TYW1: variants seen among roughly 807,000 people sequenced by gnomAD.
The protein encoded by TYW1 is S-adenosyl-L-methionine-dependent tRNA 4-demethylwyosine synthase TYW1.
Under a neutral mutation model 96.2 loss-of-function variants are expected in TYW1, and 46 were observed. That is an observed-to-expected ratio of 0.48 (90% CI 0.38 to 0.61). The LOEUF is 0.61. TYW1 is among the 20% of genes least tolerant of loss of function. TYW1 has a pLI of 0.00. For synonymous variants in TYW1, 274 were observed against 323.0 expected, an observed-to-expected ratio of 0.85 and a Z score of 1.63; for missense variants, 684 against 909.6, an observed-to-expected ratio of 0.75 and a Z score of 3.19.
intron 15 of TYW1, among the ~76,000 whole-genome samples, chr7:67,208,480 A>C (rs1800885775): frequency 6.6e-6 from 1 of 152,132 alleles, no homozygotes. Context: ...TCATGAGGTC[A>C]GAAGTTCGAG....
chr7:67,163,192 C>A (rs35048638), intron 13 of TYW1, among the ~76,000 whole-genome samples: 42,752 of 152,006 alleles, frequency 0.28, 6,526 homozygotes, highest in African/African-American at 0.4. Context: ...TCTAATTTCT[C>A]CCAACCTCCA....
chr7:67,067,084 T>A, intron 9 of TYW1: 1 of 592,856 alleles, frequency 1.7e-6, no homozygotes, highest in Non-Finnish European at 3.0e-6. Flanking sequence ...ATCATAGGTT[T>A]ATTTCACTGG....
intron 13 of TYW1, among the ~76,000 whole-genome samples, chr7:67,124,682 G>T (rs1353498116): frequency 6.6e-6 from 1 of 151,992 alleles, no homozygotes; most frequent in African/African-American, 2.4e-5. Context: ...ATGCCTTTGT[G>T]TCTGATTTCT....
chr7:67,182,074 G>C (rs1377769793), intron 13 of TYW1, among the ~76,000 whole-genome samples: 13 of 151,894 alleles, frequency 8.6e-5, no homozygotes, highest in Admixed American at 8.5e-4. Context: ...GGTGATCCCC[G>C]CACCTCGGCC....
chr7:67,103,717 G>A (rs35746639), intron 12 of TYW1, among the ~76,000 whole-genome samples: 1 of 152,210 alleles, frequency 6.6e-6, no homozygotes, highest in Non-Finnish European at 1.5e-5. Flanking sequence ...AAGGCTGTAG[G>A]TTAACTAATA....
At chr7:67,187,601 G>A (rs797018474) in intron 14 of TYW1, among the ~76,000 whole-genome samples, 2 of 152,152 alleles carry the variant, frequency 1.3e-5, no homozygotes, top group Non-Finnish European at 2.9e-5. Flanking sequence ...CAAAAGGGAT[G>A]TTTATAGAAT....
chr7:67,026,987 CCAGAAGTT>C (rs1794472302), intron 7 of TYW1, among the ~76,000 whole-genome samples: 3 of 151,944 alleles, frequency 2.0e-5, no homozygotes, highest in African/African-American at 7.2e-5. Context: ...TTTCTTGAGG[CCAGAAGTT>C]TGGGACCAGG....
intron 11 of TYW1, among the ~76,000 whole-genome samples, chr7:67,097,058 C>T (rs1174351688): frequency 2.0e-5 from 3 of 151,556 alleles, no homozygotes; most frequent in South Asian, 2.1e-4. Context: ...TTGGGTAATC[C>T]CAGTGTCCAG....
At chr7:67,220,723 A>G (rs1801361212) in intron 15 of TYW1, among the ~76,000 whole-genome samples, 2 of 143,638 alleles carry the variant, frequency 1.4e-5, no homozygotes, top group South Asian at 4.4e-4. Flanking sequence ...CAAGTGCTTT[A>G]TTTTCTTTCT....
chr7:67,027,796 A>G lies in TYW1; in HGVS notation c.984+2774A>G, dbSNP rs142518937. ...ATACAAAAAATTAGCCAGGTGTGGT[A>G]GTGGATGTCTGTAGTCCCAGCTACT... On this transcript the variant is annotated intron_variant, in intron 7 of 15. Transcript: ENST00000359626. Among the ~76,000 whole-genome samples the G allele has an allele frequency of 7.4e-3, 1,122 of 151,932 alleles. 14 individuals are homozygous for G. The highest frequency in any genetic ancestry group is 0.025 in the African/African-American group (1,048 of 41,466).
intron 9 of TYW1, among the ~76,000 whole-genome samples, chr7:67,056,534 T>C (rs1261296923): frequency 6.6e-6 from 1 of 151,948 alleles, no homozygotes; most frequent in Admixed American, 6.6e-5. Context: ...TGGAATCATG[T>C]AATGTGCAGT....
intron 4 of TYW1, among the ~76,000 whole-genome samples, chr7:67,012,691 A>T (rs1262334191): frequency 1.3e-5 from 2 of 152,200 alleles, no homozygotes; most frequent in Non-Finnish European, 1.5e-5. Flanking sequence ...ACAGGAGGCC[A>T]CAAGTGGAAA....
intron 15 of TYW1, among the ~76,000 whole-genome samples, chr7:67,217,333 T>A (rs377311165): frequency 1.8e-4 from 27 of 152,346 alleles, no homozygotes; most frequent in African/African-American, 6.0e-4. Context: ...ATCACTGCTA[T>A]ATTCAATGTC....
chr7:67,231,064 GA>G (rs1360235831), intron 15 of TYW1, among the ~76,000 whole-genome samples: 145 of 151,938 alleles, frequency 9.5e-4, no homozygotes, highest in East Asian at 7.7e-4. Context: ...TTATTTAGAT[GA>G]TTTTTTTTTG....
chr7:67,136,670 T>A (rs1798266236), intron 13 of TYW1, among the ~76,000 whole-genome samples: 1 of 150,532 alleles, frequency 6.6e-6, no homozygotes, highest in African/African-American at 2.5e-5. Context: ...TGTGTGTGTG[T>A]GTGTGTGTGT....
intron 13 of TYW1, among the ~76,000 whole-genome samples, chr7:67,146,506 C>T (rs1798615240): frequency 6.6e-6 from 1 of 151,262 alleles, no homozygotes; most frequent in Admixed American, 6.6e-5. Context: ...TGCCACTGAA[C>T]ACAATGGAGC....
At chr7:67,039,747 T>C (rs960180377) in intron 7 of TYW1, among the ~76,000 whole-genome samples, 9 of 151,454 alleles carry the variant, frequency 5.9e-5, no homozygotes, top group African/African-American at 2.2e-4. Flanking sequence ...CACTGCAGCC[T>C]CTACTCCCTC....
At chr7:67,062,696 G>A (rs1795735274) in intron 9 of TYW1, among the ~76,000 whole-genome samples, 1 of 152,082 alleles carries the variant, frequency 6.6e-6, no homozygotes, top group Non-Finnish European at 1.5e-5. Context: ...AGTAAATTTG[G>A]CAACTTAGGT....
intron 13 of TYW1, among the ~76,000 whole-genome samples, chr7:67,163,757 C>T (rs1416894877): frequency 1.3e-5 from 2 of 151,898 alleles, no homozygotes; most frequent in Non-Finnish European, 2.9e-5. Context: ...CAACCTCCGC[C>T]TCCTGGGTTC....
Sources: allele counts gnomAD v4.1 joint callset (sites outside exome capture counted in the v4.1 genomes callset), GRCh38; gene constraint gnomAD v4.1.1; transcripts MANE v1.5; gene names NCBI Gene and HGNC (gene_info 2026-07-23, HGNC 2026-07-21).